POTEE: variants seen among roughly 807,000 people sequenced by gnomAD.
POTEE encodes the protein POTE ankyrin domain family member E, also known as ANKRD26-like family C member 1A.
In POTEE, 21 loss-of-function variants were observed where a neutral mutation model predicts 74.2. The observed-to-expected ratio is 0.28, with a 90% confidence interval of 0.20 to 0.41. The LOEUF is 0.41. Ranked by LOEUF, POTEE falls within the 10% of genes least tolerant of loss-of-function variation. The probability of loss-of-function intolerance (pLI) is 1.00; values close to 1 mark genes in which losing one functional copy is unlikely to be tolerated. For synonymous variants in POTEE, 211 were observed against 432.8 expected, an observed-to-expected ratio of 0.49 and a Z score of 6.36; for missense variants, 525 against 1,158.6, an observed-to-expected ratio of 0.45 and a Z score of 7.94.
intron 9 of POTEE, among the ~76,000 whole-genome samples, chr2:131,232,806 C>A (rs560666469): frequency 1.3e-5 from 2 of 151,764 alleles, no homozygotes; most frequent in African/African-American, 4.9e-5. Flanking sequence ...TTGGCTAATC[C>A]GCAGCAGCTC....
chr2:131,212,914 C>T (rs1700386711), intron 2 of POTEE, among the ~76,000 whole-genome samples: 1 of 150,884 alleles, frequency 6.6e-6, no homozygotes, highest in African/African-American at 2.5e-5. Flanking sequence ...AAACCTGGTT[C>T]ATCACCACCT....
At chr2:131,256,919 T>C (rs1190828775) in intron 16 of POTEE, among the ~76,000 whole-genome samples, 1 of 152,430 alleles carries the variant, frequency 6.6e-6, no homozygotes, top group African/African-American at 2.4e-5. Flanking sequence ...CTAACGTAAT[T>C]GAGGGAAGGT....
In POTEE at chr2:131,223,641, A is replaced by G. The variant is rs775238293; in HGVS notation, c.567A>G (p.Val189=). 8 of 1,612,176 alleles carry G rather than the reference A, an allele frequency of 5.0e-6. No homozygotes were observed. Among genetic ancestry groups the G allele is most frequent in the Non-Finnish European group, 5.9e-6 (7 of 1,179,852 alleles). ...LASANGNSEV[V]KLLLDRRCQL... ...CTGCCAATGGGAATTCAGAAGTAGTAAAACTCCTGCTGGACAGACGATGTC... is the reference window on the plus strand; with the variant it reads ...CTGCCAATGGGAATTCAGAAGTAGTGAAACTCCTGCTGGACAGACGATGTC... The change falls in exon 5 of 18, where the codon GTA becomes GTG. Residue 189 remains valine (V), a synonymous_variant. Transcript: ENST00000683005.
chr2:131,215,158 T>G (rs1700422531), intron 2 of POTEE, among the ~76,000 whole-genome samples: 1 of 151,950 alleles, frequency 6.6e-6, no homozygotes, highest in Admixed American at 6.6e-5. Context: ...TTTTACTTTC[T>G]TCAGCATTTA....
In POTEE at chr2:131,211,196, C is replaced by G. The variant is rs895623789; in HGVS notation, c.-189+13C>G. Among the ~76,000 whole-genome samples, 1 of 152,040 alleles carries G rather than the reference C, an allele frequency of 6.6e-6. No individual in the cohort carries two copies. The highest frequency in any genetic ancestry group is 1.5e-5 in the Non-Finnish European group (1 of 68,008). On this transcript the variant is annotated intron_variant, in intron 2 of 17. Coordinates refer to ENST00000683005, the MANE Select transcript of POTEE (RefSeq NM_001083538.3). ...CTCGACAGGAGTGGTAGGAGGGTGC[C>G]CGCGGGGGCAAGGTGGTAGGAACCT...
chr2:131,228,209 T>A, intron 7 of POTEE, 35 bp from the exon 8 acceptor site: 1 of 1,610,690 alleles, frequency 6.2e-7, no homozygotes, highest in Non-Finnish European at 8.5e-7. Context: ...GCTTTAAAAA[T>A]AACTTTATTA....
In POTEE at chr2:131,218,601, C is replaced by T. The variant is rs1573696605; in HGVS notation, c.199C>T (p.His67Tyr). 6.2e-7 allele frequency: 1 copy of T among 1,612,002 alleles called. No individual in the cohort carries two copies. Among genetic ancestry groups the T allele is most frequent in the East Asian group, 2.2e-5 (1 of 44,674 alleles). Residue 67 changes from histidine (H) to tyrosine (Y), a missense_variant, in exon 4 of 18, where the codon CAC (histidine) becomes TAC (tyrosine). Physicochemically the swap from His to Tyr is moderately conservative, Grantham distance 83. Coordinates refer to ENST00000683005, the MANE Select transcript of POTEE (RefSeq NM_001083538.3). ...LRSKMGKWCH[H>Y]CFPCCRGSGK... Reference sequence around the variant, plus strand: ...GAGCAAGATGGGCAAGTGGTGCCACCACTGCTTCCCCTGCTGCAGGGGGAG... The same window carrying T: ...GAGCAAGATGGGCAAGTGGTGCCACTACTGCTTCCCCTGCTGCAGGGGGAG...
chr2:131,212,903 C>G (rs1037987162), intron 2 of POTEE, among the ~76,000 whole-genome samples: 1 of 150,968 alleles, frequency 6.6e-6, no homozygotes, highest in South Asian at 2.1e-4. Context: ...TCTGCCTGAG[C>G]AAACCTGGTT....
At chr2:131,235,095 TC>T (rs1460535220) in intron 9 of POTEE, among the ~76,000 whole-genome samples, 5 of 147,064 alleles carry the variant, frequency 3.4e-5, no homozygotes, top group Non-Finnish European at 7.4e-5. Context: ...CAGGCCTCGC[TC>T]CCGCTCTTGC....
At chr2:131,260,200 G>A (rs115168201) in intron 16 of POTEE, among the ~76,000 whole-genome samples, 201 of 147,698 alleles carry the variant, frequency 1.4e-3, no homozygotes, top group African/African-American at 5.2e-3. Flanking sequence ...CGAGTACCAC[G>A]CTGTTTCTGT....
chr2:131,222,747 C>T (rs1328204803), intron 4 of POTEE, among the ~76,000 whole-genome samples: 6 of 152,052 alleles, frequency 3.9e-5, no homozygotes, highest in Non-Finnish European at 8.8e-5. Flanking sequence ...TTTTCTTTGG[C>T]TTAAAGTTTA....
chr2:131,218,646 G>C lies in POTEE; in HGVS notation c.244G>C (p.Ala82Pro), dbSNP rs530766889. The C allele has an allele frequency of 6.3e-7, 1 of 1,599,114 alleles. No homozygotes were observed. Among genetic ancestry groups the C allele is most frequent in the East Asian group, 2.3e-5 (1 of 43,872 alleles). Residue 82 changes from alanine to proline, a missense_variant, in exon 4 of 18, where the codon GCT becomes CCT. Physicochemically the swap from Ala to Pro is conservative, Grantham distance 27. Coordinates refer to ENST00000683005, the MANE Select transcript of POTEE (RefSeq NM_001083538.3). ...CRGSGKSNVG[A>P]SGDHDDSAMK... ...GGGGAGTGGCAAGAGCAACGTGGGCGCTTCTGGAGACCACGACGACTCTGC... is the reference window on the plus strand; with the variant it reads ...GGGGAGTGGCAAGAGCAACGTGGGCCCTTCTGGAGACCACGACGACTCTGC...
chr2:131,257,078 T>C (rs878989394), intron 16 of POTEE, among the ~76,000 whole-genome samples: 3,113 of 128,188 alleles, frequency 0.024, no homozygotes, highest in African/African-American at 0.092. Context: ...TCAGCAGGGA[T>C]TTTTCTGGCC....
At chr2:131,217,853 T>G (rs868623671) in intron 3 of POTEE, among the ~76,000 whole-genome samples, 170 bp downstream of exon 3, 2,537 of 147,028 alleles carry the variant, frequency 0.017, 97 homozygotes, top group African/African-American at 0.062. Context: ...CGCATAACGG[T>G]TTGGCCGGCC....
Position 131,223,705 on chromosome 2 carries a change from A to G in POTEE, c.631A>G (p.Ile211Val). ...TGACAACAAAAAGAGGACAGCTCTG[A>G]TAAAGGTATGCAGTAGCCAACTATA... is the stretch of plus-strand genomic sequence containing the variant. The part of the protein sequence containing the change: ...VLDNKKRTAL[I>V]KAVQCQEDEC... The change falls in exon 5 of 18, where the codon ATA (isoleucine) becomes GTA (valine). Residue 211 changes from isoleucine to valine, a missense_variant. Transcript: ENST00000683005. 6.2e-7 allele frequency: 1 copy of G among 1,610,850 alleles called. No individual in the cohort carries two copies.
chr2:131,220,960 CAAAAAAAAA>C (rs368618556), intron 4 of POTEE, among the ~76,000 whole-genome samples: 3 of 116,954 alleles, frequency 2.6e-5, no homozygotes, highest in South Asian at 5.7e-4. Context: ...GACTCCATCT[CAAAAAAAAA>C]AAAAGAAAAA....
intron 17 of POTEE, among the ~76,000 whole-genome samples, chr2:131,262,340 A>G (rs2105140788): frequency 7.1e-6 from 1 of 140,354 alleles, no homozygotes; most frequent in East Asian, 2.0e-4. Flanking sequence ...GAGGTTTGAA[A>G]ACAATGACAT....
Position 131,263,604 on chromosome 2 carries a change from T to G in POTEE, c.2149T>G (p.Cys717Gly), listed in dbSNP as rs1183790576. 5.6e-6 allele frequency: 9 copies of G among 1,598,260 alleles called. No individual in the cohort carries two copies. The Admixed American group carries it at 1.2e-4, about 22-fold the overall frequency. ...CGTCATTGACAACGGCTCTGGCATG[T>G]GCAAGGCCGGCTTTGCGGGCGACGA... is the stretch of plus-strand genomic sequence containing the variant. ...VLVIDNGSGM[C>G]KAGFAGDDAP... Residue 717 changes from cysteine to glycine, a missense_variant, in exon 18 of 18, where the codon TGC becomes GGC. Transcript: ENST00000683005.
chr2:131,225,692 T>G (rs1291722365), intron 6 of POTEE, among the ~76,000 whole-genome samples: 1 of 148,722 alleles, frequency 6.7e-6, no homozygotes, highest in East Asian at 1.9e-4. Context: ...CTCAGTTTTT[T>G]TTTTTTTTTT....
Sources: allele counts gnomAD v4.1 joint callset (sites outside exome capture counted in the v4.1 genomes callset), GRCh38; gene constraint gnomAD v4.1.1; transcripts MANE v1.5; gene names NCBI Gene and HGNC (gene_info 2026-07-23, HGNC 2026-07-21).